The following IFT140 variants were observed in gnomAD, a reference collection of about 807,000 sequenced individuals.
The protein encoded by IFT140 is intraflagellar transport protein 140 homolog.
In IFT140, 133 loss-of-function variants were observed where a neutral mutation model predicts 164.6. The observed-to-expected ratio is 0.81, with a 90% CI of 0.70 to 0.93. The LOEUF (loss-of-function observed/expected upper bound fraction) is 0.93, where lower values mean the gene tolerates loss of function less well. Among genes scored for constraint, IFT140 ranks in the 40% least tolerant of loss-of-function variants. The pLI is 0.00. For missense variants in IFT140, 2,045 were observed against 1,972.3 expected, an observed-to-expected ratio of 1.04 and a Z score of -0.70; for synonymous variants, 860 against 817.3, an observed-to-expected ratio of 1.05 and a Z score of -0.89.
intron 6 of IFT140, among the ~76,000 whole-genome samples, 160 bp from the exon 7 acceptor site, chr16:1,589,940 T>C (rs551670318): frequency 2.0e-5 from 3 of 152,304 alleles, no homozygotes; most frequent in African/African-American, 7.2e-5. Flanking sequence ...CTCATGCCTG[T>C]AATCCCAGCA....
At chr16:1,598,807 C>A (rs942899624) in intron 4 of IFT140, among the ~76,000 whole-genome samples, 6 of 152,170 alleles carry the variant, frequency 3.9e-5, no homozygotes, top group African/African-American at 1.4e-4. Flanking sequence ...CCCAAAGTGC[C>A]GAGATTGCAG....
At chr16:1,530,141 T>TC (rs2030307466) in intron 19 of IFT140, among the ~76,000 whole-genome samples, 1 of 139,226 alleles carries the variant, frequency 7.2e-6, no homozygotes. Context: ...ATCTTTTTTT[T>TC]TTTTTTTTTT....
intron 19 of IFT140, chr16:1,541,040 G>A (rs932655830): frequency 2.9e-5 from 29 of 985,304 alleles, no homozygotes; most frequent in African/African-American, 1.0e-4. Flanking sequence ...CTACAGAAAC[G>A]TGACGAGCCC....
intron 19 of IFT140, among the ~76,000 whole-genome samples, chr16:1,545,514 G>GT (rs59045034): frequency 2.6e-5 from 4 of 152,110 alleles, no homozygotes; most frequent in Admixed American, 6.5e-5. Context: ...TTAGAGTCGG[G>GT]TTTTTTTTCC....
intron 30 of IFT140, among the ~76,000 whole-genome samples, chr16:1,517,210 C>G (rs545461143): frequency 6.6e-6 from 1 of 152,236 alleles, no homozygotes; most frequent in African/African-American, 2.4e-5. Context: ...TCTCTACAGG[C>G]ATGCTGATGC....
intron 19 of IFT140, among the ~76,000 whole-genome samples, chr16:1,545,255 A>T (rs534794530): frequency 1.4e-4 from 22 of 152,004 alleles, no homozygotes; most frequent in African/African-American, 5.1e-4. Context: ...AGGTTGGACC[A>T]GGCTCTGTTC....
intron 13 of IFT140, among the ~76,000 whole-genome samples, chr16:1,578,578 T>TAAA: frequency 7.2e-6 from 1 of 138,956 alleles, no homozygotes; most frequent in African/African-American, 2.7e-5. Flanking sequence ...TCCTGTCCCT[T>TAAA]AAAAAAAAAA....
intron 9 of IFT140, 31 bp from the exon 10 acceptor site, chr16:1,586,306 G>C: frequency 6.3e-7 from 1 of 1,586,974 alleles, no homozygotes; most frequent in Middle Eastern, 1.7e-4. Context: ...CATGTGAACA[G>C]AGTTAAAAAA....
intron 19 of IFT140, among the ~76,000 whole-genome samples, chr16:1,528,086 G>C (rs1029702233): frequency 2.6e-5 from 4 of 152,148 alleles, no homozygotes; most frequent in African/African-American, 9.7e-5. Flanking sequence ...GCGGGAGGTG[G>C]GTCCAAGGCC....
intron 19 of IFT140, among the ~76,000 whole-genome samples, chr16:1,554,610 C>T (rs978677510): frequency 3.3e-5 from 5 of 152,160 alleles, no homozygotes; most frequent in Admixed American, 6.5e-5. Flanking sequence ...AGCAGGAACC[C>T]GCTCTAGGAC....
intron 4 of IFT140, 186 bp downstream of exon 4, chr16:1,602,184 A>G: frequency 1.6e-6 from 1 of 609,754 alleles, no homozygotes; most frequent in Non-Finnish European, 2.9e-6. Context: ...GTGCAGACAC[A>G]CCTTTGCCAC....
chr16:1,543,189 C>T (rs761056592), intron 19 of IFT140, among the ~76,000 whole-genome samples: 2 of 152,260 alleles, frequency 1.3e-5, no homozygotes, highest in Non-Finnish European at 2.9e-5. Flanking sequence ...GAGCTGCCCG[C>T]ACCCTCCTTC....
At chr16:1,512,656 C>A (rs1339454657) in intron 30 of IFT140, among the ~76,000 whole-genome samples, 1 of 152,170 alleles carries the variant, frequency 6.6e-6, no homozygotes, top group Non-Finnish European at 1.5e-5. Flanking sequence ...GAAATAGAAA[C>A]CCCGTTGGAG....
At position 1,519,928 on chromosome 16, in the gene IFT140, C is replaced by T. The variant is rs35823417; in HGVS notation, c.3993G>A (p.Gln1331=). ...TCACCAGTGCCATCCTGCTCTGCAGCTGCGCCAGCCTGGTCTCCTGGTCCA... is the reference window on the plus strand; with the variant it reads ...TCACCAGTGCCATCCTGCTCTGCAGTTGCGCCAGCCTGGTCTCCTGGTCCA... The part of the protein sequence containing the change: ...SPLDQETRLA[Q]LQSRMALVKR... The change falls in exon 29 of 31, where the codon CAG becomes CAA. Residue 1331 remains glutamine (Q), a synonymous_variant. Transcript: ENST00000426508. 1 of 1,598,584 alleles carries T rather than the reference C, an allele frequency of 6.3e-7. No individual in the cohort carries two copies. The highest frequency in any genetic ancestry group is 1.8e-5 in the Admixed American group (1 of 56,474).
rs532632654 is a variant in IFT140 at position 1,574,557 on chromosome 16, C to T, written c.1525-3023G>A. Among the ~76,000 whole-genome samples the T allele has an allele frequency of 1.1e-3, 169 of 152,244 alleles. 2 individuals are homozygous for T. Among genetic ancestry groups the T allele is most frequent in the Non-Finnish European group, 2.0e-3 (138 of 68,016 alleles). The stretch of plus-strand genomic sequence containing the variant: ...GGGCCTCCCAAAGTGCTGGGATTAC[C>T]GTCATGAGCCACCATGCCCAGCCAA... On this transcript the variant is annotated intron_variant, in intron 13 of 30. Transcript: ENST00000426508.
intron 17 of IFT140, among the ~76,000 whole-genome samples, chr16:1,563,060 G>A (rs1473437118): frequency 1.3e-5 from 2 of 152,020 alleles, no homozygotes; most frequent in Non-Finnish European, 2.9e-5. Flanking sequence ...AAACTGCCAG[G>A]AGACGGCCCT....
chr16:1,543,022 G>A (rs181235670), intron 19 of IFT140, among the ~76,000 whole-genome samples: 4 of 152,370 alleles, frequency 2.6e-5, no homozygotes, highest in Non-Finnish European at 5.9e-5. Flanking sequence ...GGGCTCTGCT[G>A]GTCTTCTGTG....
In IFT140 at chr16:1,602,673, G is replaced by T; in HGVS notation, c.148-82C>A. 3.1e-6 allele frequency: 4 copies of T among 1,303,996 alleles called. No homozygotes were observed. The South Asian group carries it at 5.0e-5, about 16-fold the overall frequency. The allele number at this position is 1,303,996 out of a possible 1,614,324, so 80.8% of individuals were successfully genotyped here. ...AACTTCTGTCTAGGCCGGGCACGGC[G>T]GCTCACTCCTGTAATTACAGCACTT... On this transcript the variant is annotated intron_variant, in intron 3 of 30. Coordinates refer to ENST00000426508, the MANE Select transcript of IFT140 (RefSeq NM_014714.4).
chr16:1,582,461 GA>G (rs1169801717), intron 12 of IFT140, among the ~76,000 whole-genome samples: 2 of 152,234 alleles, frequency 1.3e-5, no homozygotes, highest in Admixed American at 1.3e-4. Flanking sequence ...TCTGTCCAGT[GA>G]AAAGTGAAAC....
Sources: allele counts gnomAD v4.1 joint callset (sites outside exome capture counted in the v4.1 genomes callset), GRCh38; gene constraint gnomAD v4.1.1; transcripts MANE v1.5; gene names NCBI Gene and HGNC (gene_info 2026-07-23, HGNC 2026-07-21).